Variants in ZPLD1 observed in about 807,000 individuals in gnomAD.
ZPLD1 encodes zona pellucida-like domain-containing protein 1.
ZPLD1 carries 34 observed loss-of-function variants against 47.2 expected under a neutral mutation model. That is an observed-to-expected ratio of 0.72 (90% confidence interval 0.55 to 0.96). The LOEUF is 0.96. ZPLD1 is among the 40% of genes least tolerant of loss of function. ZPLD1 has a pLI of 0.00. For missense variants in ZPLD1, 512 were observed against 505.8 expected, an observed-to-expected ratio of 1.01 and a Z score of -0.12; for synonymous variants, 176 against 186.2, an observed-to-expected ratio of 0.95 and a Z score of 0.45.
chr3:102,468,833 C>G (rs1020940857), intron 8 of ZPLD1, 131 bp from the exon 9 acceptor site: 4 of 784,226 alleles, frequency 5.1e-6, no homozygotes, highest in Non-Finnish European at 7.9e-6. Context: ...GATTAAATAT[C>G]TGTAACGTGG....
At chr3:102,437,967 C>G (rs1235636683) in intron 2 of ZPLD1, among the ~76,000 whole-genome samples, 1 of 152,136 alleles carries the variant, frequency 6.6e-6, no homozygotes, top group African/African-American at 2.4e-5. Context: ...GTCTGGAATT[C>G]TTCTGTTGGG....
At chr3:102,406,447 G>C (rs146736849) in intron 7 of ZPLD1, among the ~76,000 whole-genome samples, 377 of 151,982 alleles carry the variant, frequency 2.5e-3, no homozygotes, top group Middle Eastern at 0.01. Context: ...ATATGTAATT[G>C]ATCTTCTATT....
At chr3:102,452,236 C>A (rs1276246910) in intron 3 of ZPLD1, among the ~76,000 whole-genome samples, 3 of 143,026 alleles carry the variant, frequency 2.1e-5, no homozygotes, top group African/African-American at 7.8e-5. Flanking sequence ...TTGTGTTTTA[C>A]ATTTCCATGT....
intron 6 of ZPLD1, among the ~76,000 whole-genome samples, chr3:102,388,015 C>G (rs540404408): frequency 1.3e-5 from 2 of 152,032 alleles, no homozygotes; most frequent in Non-Finnish European, 2.9e-5. Flanking sequence ...CGCCCGCCAC[C>G]ACGCCCAGCT....
At chr3:102,451,798 C>T (rs1329406106) in intron 3 of ZPLD1, among the ~76,000 whole-genome samples, 2 of 152,168 alleles carry the variant, frequency 1.3e-5, no homozygotes, top group African/African-American at 4.8e-5. Flanking sequence ...CCCCGTGTCT[C>T]TGTCTCTTCA....
At chr3:102,415,138 C>T (rs980160292) in intron 7 of ZPLD1, among the ~76,000 whole-genome samples, 11 of 151,748 alleles carry the variant, frequency 7.2e-5, no homozygotes, top group African/African-American at 2.7e-4. Flanking sequence ...GCTATGTGGC[C>T]TGAAATCCCA....
At chr3:102,400,334 T>G (rs1706605331) in intron 7 of ZPLD1, among the ~76,000 whole-genome samples, 2 of 152,050 alleles carry the variant, frequency 1.3e-5, no homozygotes, top group Non-Finnish European at 2.9e-5. Flanking sequence ...GAACACAGTC[T>G]CTCACATTTC....
At chr3:102,466,265 G>T (rs1288271677) in intron 8 of ZPLD1, among the ~76,000 whole-genome samples, 1 of 152,030 alleles carries the variant, frequency 6.6e-6, no homozygotes, top group Admixed American at 6.6e-5. Flanking sequence ...ACAGAGGAGG[G>T]AGCCCTTGAG....
chr3:102,438,462 T>C lies in ZPLD1; in HGVS notation c.-8-18T>C, dbSNP rs145035940. On this transcript the variant is annotated intron_variant, in intron 2 of 11. Transcript: ENST00000466937. ...GAGTTAAGTGGGAGTGTCCACATGATAGATATCTCTTTTCCAGGTTTTGCA... is the reference window on the plus strand; with the variant it reads ...GAGTTAAGTGGGAGTGTCCACATGACAGATATCTCTTTTCCAGGTTTTGCA... 1.5e-4 allele frequency: 243 copies of C among 1,582,962 alleles called. 1 individual carries two copies. The African/African-American group carries it at 2.6e-3, about 17-fold the overall frequency.
chr3:102,386,348 T>A (rs1312998545), intron 6 of ZPLD1, among the ~76,000 whole-genome samples: 3 of 151,976 alleles, frequency 2.0e-5, no homozygotes, highest in Non-Finnish European at 4.4e-5. Flanking sequence ...TTGAGAACTT[T>A]TCCTCCAGGA....
At chr3:102,435,300 T>C (rs950987830) in intron 1 of ZPLD1, 146 bp downstream of exon 1, 1 of 824,938 alleles carries the variant, frequency 1.2e-6, no homozygotes, top group Non-Finnish European at 2.0e-6. Flanking sequence ...TTATAAGAGA[T>C]ATGGGTGTCC....
chr3:102,432,370 T>G (rs974549384), upstream of ZPLD1, among the ~76,000 whole-genome samples: 4 of 152,194 alleles, frequency 2.6e-5, no homozygotes, highest in Non-Finnish European at 5.9e-5. Flanking sequence ...CACATTTTTG[T>G]GAATCTGTAT....
chr3:102,456,690 C>T (rs1707422692), intron 5 of ZPLD1, among the ~76,000 whole-genome samples: 1 of 152,190 alleles, frequency 6.6e-6, no homozygotes, highest in Non-Finnish European at 1.5e-5. Context: ...TCTCTTCACT[C>T]CCTTTGCCCA....
intron 7 of ZPLD1, among the ~76,000 whole-genome samples, chr3:102,402,973 C>A (rs1706639292): frequency 6.6e-6 from 1 of 151,900 alleles, no homozygotes; most frequent in South Asian, 2.1e-4. Context: ...CCCCTATGCA[C>A]CCATCATCCT....
chr3:102,423,874 G>A (rs1706910139), intron 8 of ZPLD1, among the ~76,000 whole-genome samples: 2 of 152,128 alleles, frequency 1.3e-5, no homozygotes, highest in South Asian at 4.1e-4. Context: ...CCATGGAAAG[G>A]CTAGGAGTTT....
At chr3:102,440,401 G>A (rs1290064253) in intron 3 of ZPLD1, among the ~76,000 whole-genome samples, 1 of 152,066 alleles carries the variant, frequency 6.6e-6, no homozygotes, top group Admixed American at 6.6e-5. Flanking sequence ...TGGTTTGGGA[G>A]GTGAGAGAAA....
chr3:102,390,594 A>G (rs1484022525), intron 6 of ZPLD1, among the ~76,000 whole-genome samples: 4 of 152,188 alleles, frequency 2.6e-5, no homozygotes, highest in Non-Finnish European at 4.4e-5. Flanking sequence ...CAGTTCCTCT[A>G]CAGAACAGAG....
chr3:102,413,029 A>G (rs777771555), intron 7 of ZPLD1, among the ~76,000 whole-genome samples: 1 of 151,808 alleles, frequency 6.6e-6, no homozygotes, highest in Non-Finnish European at 1.5e-5. Flanking sequence ...ATGATTTTAC[A>G]TGGCTATGCA....
intron 3 of ZPLD1, among the ~76,000 whole-genome samples, chr3:102,448,636 A>T (rs1707293525): frequency 6.6e-6 from 1 of 152,232 alleles, no homozygotes; most frequent in Admixed American, 6.5e-5. Context: ...TTAGTTTGTC[A>T]TCATATCTTA....
Sources: allele counts gnomAD v4.1 joint callset (sites outside exome capture counted in the v4.1 genomes callset), GRCh38; gene constraint gnomAD v4.1.1; transcripts MANE v1.5; gene names NCBI Gene and HGNC (gene_info 2026-07-23, HGNC 2026-07-21).